Variants in CALU observed in about 807,000 individuals in gnomAD.
CALU encodes the protein IEF SSP 9302.
In CALU, 13 loss-of-function variants were observed where a neutral mutation model predicts 37.5. The observed-to-expected ratio is 0.35, with a 90% CI of 0.23 to 0.55. The LOEUF is 0.55. Ranked by LOEUF, CALU falls within the 20% of genes least tolerant of loss-of-function variation. The pLI, the probability that CALU is intolerant of heterozygous loss-of-function variation, is 0.89. For synonymous variants in CALU, 114 were observed against 133.8 expected, an observed-to-expected ratio of 0.85 and a Z score of 1.02; for missense variants, 282 against 391.7, an observed-to-expected ratio of 0.72 and a Z score of 2.36.
intron 1 of CALU, among the ~76,000 whole-genome samples, chr7:128,741,579 A>G (rs1019144281): frequency 2.6e-5 from 4 of 152,176 alleles, no homozygotes; most frequent in Admixed American, 1.3e-4. Context: ...AAAAGAGAAA[A>G]AGATAACAGA....
chr7:128,772,758 T>TG lies in CALU; in HGVS notation c.*3592dup. On this transcript the variant is annotated 3_prime_UTR_variant, in exon 7 of 7. Coordinates refer to ENST00000249364, the MANE Select transcript of CALU (RefSeq NM_001219.5). Reference sequence around the variant, plus strand: ...ATCACCAAAGCCTTGCACAATGCTTTGTACCCAGAATGCCCTTAGGTGGTT... The same window carrying TG: ...ATCACCAAAGCCTTGCACAATGCTTTGGTACCCAGAATGCCCTTAGGTGGTT... 2 of 1,527,236 alleles carry TG rather than the reference T, an allele frequency of 1.3e-6. No individual in the cohort carries two copies. Among genetic ancestry groups the TG allele is most frequent in the Non-Finnish European group, 1.8e-6 (2 of 1,104,838 alleles). 94.6% of individuals were successfully genotyped at this position (1,527,236 alleles called of 1,614,324 possible).
chr7:128,773,145 T>C lies in CALU; in HGVS notation c.*3978T>C, dbSNP rs531679811. ...CCCAGTACCTTCAGATGATAAGATA[T>C]TTTAGAGATTTTTGCATGTGGTATG... On this transcript the variant is annotated 3_prime_UTR_variant, in exon 7 of 7. Transcript: ENST00000249364. 5.9e-5 allele frequency among the ~76,000 whole-genome samples: 9 copies of C among 152,334 alleles called. No individual in the cohort carries two copies. Among genetic ancestry groups the C allele is most frequent in the African/African-American group, 2.2e-4 (9 of 41,574 alleles).
chr7:128,758,834 A>C, intron 3 of CALU, 37 bp from the exon 4 acceptor site: 1 of 1,439,462 alleles, frequency 6.9e-7, no homozygotes, highest in South Asian at 1.2e-5. Context: ...GTTTTCTGAA[A>C]GTCTTTTAAG....
At chr7:128,754,857 A>T (rs1800812139) in intron 3 of CALU, 2 of 438,730 alleles carry the variant, frequency 4.6e-6, no homozygotes, top group East Asian at 7.0e-5. Flanking sequence ...TATTAATTTT[A>T]AATTTGTATA....
intron 2 of CALU, among the ~76,000 whole-genome samples, chr7:128,749,480 T>C (rs1185207317): frequency 6.6e-6 from 1 of 152,188 alleles, no homozygotes; most frequent in Non-Finnish European, 1.5e-5. Context: ...AGAATGTCTT[T>C]TTTGGTCCTT....
At chr7:128,739,955 C>A (rs929897473) in intron 1 of CALU, among the ~76,000 whole-genome samples, 1 of 152,094 alleles carries the variant, frequency 6.6e-6, no homozygotes, top group Admixed American at 6.6e-5. Flanking sequence ...GGGGAGAGAA[C>A]GAGTGACGAC....
intron 2 of CALU, among the ~76,000 whole-genome samples, chr7:128,751,652 G>A (rs2128879312): frequency 6.6e-6 from 1 of 152,180 alleles, no homozygotes; most frequent in South Asian, 2.1e-4. Context: ...CCTTCAGCCG[G>A]GAAGGGCAAG....
chr7:128,739,761 C>T (rs1167109001), intron 1 of CALU, among the ~76,000 whole-genome samples: 1 of 152,090 alleles, frequency 6.6e-6, no homozygotes, highest in African/African-American at 2.4e-5. Flanking sequence ...TCTCTGGCAC[C>T]AGAGGGTCAT....
intron 3 of CALU, among the ~76,000 whole-genome samples, chr7:128,755,143 A>C (rs78828927): frequency 1.7e-5 from 1 of 58,524 alleles, no homozygotes; most frequent in Non-Finnish European, 4.9e-5. Flanking sequence ...TGTCTCTACC[A>C]AAAAAAAAAA....
intron 3 of CALU, 62 bp downstream of exon 3, chr7:128,754,517 TTTGTC>T (rs768757548): frequency 1.2e-4 from 195 of 1,588,260 alleles, no homozygotes; most frequent in Non-Finnish European, 1.6e-4. Flanking sequence ...ACGTAACTGT[TTTGTC>T]TTGTAGAATG....
At chr7:128,752,577 A>G (rs1010853444) in intron 2 of CALU, among the ~76,000 whole-genome samples, 1 of 152,212 alleles carries the variant, frequency 6.6e-6, no homozygotes, top group Non-Finnish European at 1.5e-5. Flanking sequence ...GAACTTTTCA[A>G]TATTGGTATA....
Position 128,772,421 on chromosome 7 carries a change from T to C in CALU, c.*3254T>C. The C allele has an allele frequency of 1.6e-6, 2 of 1,257,142 alleles. No individual in the cohort carries two copies. Among genetic ancestry groups the C allele is most frequent in the Non-Finnish European group, 2.3e-6 (2 of 878,996 alleles). 77.9% of individuals were successfully genotyped at this position (1,257,142 alleles called of 1,614,324 possible). On this transcript the variant is annotated 3_prime_UTR_variant, in exon 7 of 7. Coordinates refer to ENST00000249364, the MANE Select transcript of CALU (RefSeq NM_001219.5). ...GAAAAATTGACTCCCCAAACTGCCA[T>C]CACTCCTTTTACCATCTTTTTTGTG... is the stretch of plus-strand genomic sequence containing the variant.
chr7:128,751,650 C>T (rs1348287194), intron 2 of CALU, among the ~76,000 whole-genome samples: 1 of 152,096 alleles, frequency 6.6e-6, no homozygotes, highest in Non-Finnish European at 1.5e-5. Context: ...TCCCTTCAGC[C>T]GGGAAGGGCA....
Position 128,758,947 on chromosome 7 carries a change from C to A in CALU, c.492C>A (p.Asp164Glu), listed in dbSNP as rs775947573. 52 of 1,613,330 alleles carry A rather than the reference C, an allele frequency of 3.2e-5. No individual in the cohort carries two copies. Among genetic ancestry groups the A allele is most frequent in the Non-Finnish European group, 4.4e-5 (52 of 1,179,310 alleles). Residue 164 changes from aspartate to glutamate, a missense_variant, in exon 4 of 7, where the codon GAC becomes GAA. Coordinates refer to ENST00000249364, the MANE Select transcript of CALU (RefSeq NM_001219.5). ...ATGAGCGGAGGTTTAAAATGGCAGA[C>A]AAGGATGGAGACCTCATTGCCACCA... Reference protein sequence around the residue: ...VRDERRFKMADKDGDLIATKE... With the variant: ...VRDERRFKMAEKDGDLIATKE...
intron 1 of CALU, among the ~76,000 whole-genome samples, chr7:128,739,804 A>G (rs1800160783): frequency 1.3e-5 from 2 of 151,676 alleles, no homozygotes; most frequent in South Asian, 4.2e-4. Flanking sequence ...GGGCATTTGG[A>G]TAGTGTTATT....
intron 3 of CALU, 32 bp from the exon 4 acceptor site, chr7:128,758,839 T>G (rs548558481): frequency 6.6e-7 from 1 of 1,515,284 alleles, no homozygotes; most frequent in East Asian, 2.3e-5. Flanking sequence ...CTGAAAGTCT[T>G]TTAAGATTTG....
chr7:128,766,425 CTTTTTT>C (rs11288081), intron 5 of CALU, among the ~76,000 whole-genome samples: 34 of 94,998 alleles, frequency 3.6e-4, no homozygotes, highest in Admixed American at 7.6e-4. Flanking sequence ...ATTTCTTTTT[CTTTTTT>C]TTTTTTTTTT....
chr7:128,767,433 T>G, intron 5 of CALU, 23 bp from the exon 6 acceptor site: 1 of 1,574,324 alleles, frequency 6.4e-7, no homozygotes, highest in Non-Finnish European at 8.7e-7. Context: ...ACCCTTCTTT[T>G]GTATGTATGT....
At chr7:128,742,728 C>T (rs978377138) in intron 1 of CALU, among the ~76,000 whole-genome samples, 2 of 152,084 alleles carry the variant, frequency 1.3e-5, no homozygotes, top group Non-Finnish European at 1.5e-5. Flanking sequence ...TTGGATGGAT[C>T]GAAGAAACCA....
Sources: gnomAD v4.1 joint callset for allele counts (sites outside exome capture counted in the v4.1 genomes callset) on GRCh38, gnomAD v4.1.1 for gene constraint, MANE v1.5 for transcripts, NCBI Gene and HGNC (gene_info 2026-07-23, HGNC 2026-07-21) for gene names.